FYTTD1: variants seen among roughly 807,000 people sequenced by gnomAD.
FYTTD1 encodes the protein UAP56-interacting factor.
In FYTTD1, 22 loss-of-function variants were observed where a neutral mutation model predicts 40.9. The ratio of observed to expected loss-of-function variants is 0.54; its 90% confidence interval spans 0.38 to 0.77. The LOEUF is 0.77. FYTTD1 is among the 30% of genes least tolerant of loss of function. The probability of loss-of-function intolerance (pLI) is 0.00; values close to 1 mark genes in which losing one functional copy is unlikely to be tolerated. For synonymous variants in FYTTD1, 140 were observed against 137.9 expected (o/e 1.01, Z -0.10); for missense variants, 351 against 392.2 (o/e 0.90, Z 0.89).
Position 197,785,954 on chromosome 3 carries a change from A to G in FYTTD1, c.*4045A>G, listed in dbSNP as rs1337698160. ...ACTAGCTTCTTTTTTTTTTTTTTAA[A>G]TGATACTTCAGTAAACACAGCATTT... On this transcript the variant is annotated 3_prime_UTR_variant, in exon 9 of 9. Coordinates refer to ENST00000241502, the MANE Select transcript of FYTTD1 (RefSeq NM_032288.7). 6.6e-6 allele frequency: 1 copy of G among 150,716 alleles called. No individual in the cohort carries two copies. The highest frequency in any genetic ancestry group is 1.5e-5 in the Non-Finnish European group (1 of 67,796). 9.3% of individuals were successfully genotyped at this position (150,716 alleles called of 1,614,324 possible). A position where few individuals can be genotyped will look rare whatever the true frequency, so the allele number is the denominator to read the frequency against.
chr3:197,749,933 G>T lies in FYTTD1; in HGVS notation c.-39G>T. On this transcript the variant is annotated 5_prime_UTR_variant, in exon 1 of 9. Transcript: ENST00000241502. Reference sequence around the variant, plus strand: ...GGGAGGTGGCAGGCCTGCGACTCCGGCCTTGTCCGCGCCCGCTCTCGGCGC... The same window carrying T: ...GGGAGGTGGCAGGCCTGCGACTCCGTCCTTGTCCGCGCCCGCTCTCGGCGC... The T allele has an allele frequency of 7.0e-7, 1 of 1,424,964 alleles. No homozygotes were observed. 88.3% of individuals were successfully genotyped at this position (1,424,964 alleles called of 1,614,324 possible). A position where few individuals can be genotyped will look rare whatever the true frequency, so the allele number is the denominator to read the frequency against.
chr3:197,753,891 C>T lies in FYTTD1; in HGVS notation c.104-2535C>T, dbSNP rs567778390. On this transcript the variant is annotated intron_variant, in intron 1 of 8. Coordinates refer to ENST00000241502, the MANE Select transcript of FYTTD1 (RefSeq NM_032288.7). Reference sequence around the variant, plus strand: ...AGTAGCTGGGACTACAGGCGCCCACCGCCACACCCGGCTAATTTTTTGTAT... The same window carrying T: ...AGTAGCTGGGACTACAGGCGCCCACTGCCACACCCGGCTAATTTTTTGTAT... Among the ~76,000 whole-genome samples, 134 of 152,076 alleles carry T rather than the reference C, an allele frequency of 8.8e-4. 1 individual carries two copies. The highest frequency in any genetic ancestry group is 3.0e-3 in the African/African-American group (126 of 41,462).
At position 197,787,348 on chromosome 3, in the gene FYTTD1, C is replaced by T; in HGVS notation, c.*5439C>T. ...CAAACTCCTGACCTCAGGTGATATG[C>T]CCGCCTCTGACTCCCAAAGTGCTGG... On this transcript the variant is annotated 3_prime_UTR_variant, in exon 9 of 9. Transcript: ENST00000241502. 1 of 152,310 alleles carries T rather than the reference C, an allele frequency of 6.6e-6. No homozygotes were observed. Among genetic ancestry groups the T allele is most frequent in the Non-Finnish European group, 1.5e-5 (1 of 68,110 alleles). 9.4% of individuals were successfully genotyped at this position (152,310 alleles called of 1,614,324 possible).
At chr3:197,759,713 CTCAGTGGTAGAACGTATAGCGTGTTCT>C (rs1560493701) in intron 2 of FYTTD1, among the ~76,000 whole-genome samples, 1 of 139,954 alleles carries the variant, frequency 7.1e-6, no homozygotes, top group Non-Finnish European at 1.5e-5. Flanking sequence ...AGAGTTGTTC[CTCAGTGGTAGAACGTATAGCGTGTTCT>C]TCAGTGGTAG....
In FYTTD1 at chr3:197,768,433, C is replaced by T. The variant is rs977252284; in HGVS notation, c.236-6C>T. 1 of 1,594,456 alleles carries T rather than the reference C, an allele frequency of 6.3e-7. No individual in the cohort carries two copies. Among genetic ancestry groups the T allele is most frequent in the Non-Finnish European group, 8.6e-7 (1 of 1,168,442 alleles). ...GACATTTTCTTCTGTTTTTGCCCTCCTATAGGTTTTGGTAAGACTAGTCTG... is the reference window on the plus strand; with the variant it reads ...GACATTTTCTTCTGTTTTTGCCCTCTTATAGGTTTTGGTAAGACTAGTCTG... On this transcript the variant is annotated splice_region_variant and splice_polypyrimidine_tract_variant and intron_variant, in intron 2 of 8. Coordinates refer to ENST00000241502, the MANE Select transcript of FYTTD1 (RefSeq NM_032288.7).
chr3:197,752,984 C>T (rs911771469), intron 1 of FYTTD1, among the ~76,000 whole-genome samples: 4 of 151,982 alleles, frequency 2.6e-5, no homozygotes, highest in African/African-American at 4.8e-5. Context: ...ATGATTAGTA[C>T]GTTCAAGTGA....
chr3:197,778,084 T>A (rs2109054590), intron 7 of FYTTD1, among the ~76,000 whole-genome samples: 1 of 152,246 alleles, frequency 6.6e-6, no homozygotes, highest in East Asian at 1.9e-4. Context: ...TTGCTTTATT[T>A]TAATGGAAGA....
chr3:197,754,479 T>G (rs1729154750), intron 1 of FYTTD1, among the ~76,000 whole-genome samples: 1 of 152,166 alleles, frequency 6.6e-6, no homozygotes, highest in Admixed American at 6.5e-5. Context: ...TCAAGTTATA[T>G]TTCCTTCTCT....
At chr3:197,775,925 T>C (rs1729861526) in intron 6 of FYTTD1, among the ~76,000 whole-genome samples, 1 of 152,210 alleles carries the variant, frequency 6.6e-6, no homozygotes, top group African/African-American at 2.4e-5. Flanking sequence ...AACAATATAA[T>C]GTAAATGTCC....
At chr3:197,753,268 A>C (rs1282662423) in intron 1 of FYTTD1, among the ~76,000 whole-genome samples, 1 of 152,152 alleles carries the variant, frequency 6.6e-6, no homozygotes, top group Non-Finnish European at 1.5e-5. Context: ...GGTGTATATG[A>C]ATTTCACATA....
chr3:197,782,291 A>G lies in FYTTD1; in HGVS notation c.*382A>G, dbSNP rs1370669548. 1.3e-5 allele frequency: 2 copies of G among 154,698 alleles called. No homozygotes were observed. The highest frequency in any genetic ancestry group is 6.5e-5 in the Admixed American group (1 of 15,418). 9.6% of individuals were successfully genotyped at this position (154,698 alleles called of 1,614,324 possible). On this transcript the variant is annotated 3_prime_UTR_variant, in exon 9 of 9. Coordinates refer to ENST00000241502, the MANE Select transcript of FYTTD1 (RefSeq NM_032288.7). The stretch of plus-strand genomic sequence containing the variant: ...TTTGTCATGGTAAATCCTGGTCTTC[A>G]TAAACATGAGTAGGTCCCTTGGTTG...
intron 2 of FYTTD1, among the ~76,000 whole-genome samples, chr3:197,764,402 A>T (rs1044123725): frequency 1.3e-5 from 2 of 152,202 alleles, no homozygotes; most frequent in African/African-American, 4.8e-5. Flanking sequence ...CGAATCATAT[A>T]GGCCTGATTA....
rs191600390 is a variant in FYTTD1 at position 197,778,400 on chromosome 3, G to A, written c.794G>A (p.Ser265Asn). Residue 265 changes from serine (S) to asparagine (N), a missense_variant, in exon 8 of 9, where the codon AGT (serine) becomes AAT (asparagine). Transcript: ENST00000241502. ...TCATTTTTAACAAAGCGGGAGCAAA[G>A]TGACGTCAAGAAAGTTCCTAAAGGT... ...VPSFLTKREQ[S>N]DVKKVPKGVP... 6.2e-7 allele frequency: 1 copy of A among 1,612,088 alleles called. No homozygotes were observed. The highest frequency in any genetic ancestry group is 1.3e-5 in the African/African-American group (1 of 75,020).
intron 4 of FYTTD1, among the ~76,000 whole-genome samples, chr3:197,771,347 C>A (rs943956565): frequency 1.3e-5 from 2 of 152,080 alleles, no homozygotes; most frequent in Non-Finnish European, 2.9e-5. Flanking sequence ...GCAAAAAAAA[C>A]CTGGAATGAG....
chr3:197,755,915 A>G (rs562528140), intron 1 of FYTTD1: 1 of 845,554 alleles, frequency 1.2e-6, no homozygotes, highest in South Asian at 1.5e-5. Flanking sequence ...GGAAGTAGGT[A>G]GGAAAATGGA....
intron 7 of FYTTD1, 37 bp downstream of exon 7, chr3:197,777,038 T>A: frequency 8.2e-7 from 1 of 1,214,150 alleles, no homozygotes; most frequent in South Asian, 1.3e-5. Flanking sequence ...AATTATAACC[T>A]CTCATTACAT....
chr3:197,777,118 G>A (rs1190776173), intron 7 of FYTTD1, 117 bp downstream of exon 7: 1 of 650,562 alleles, frequency 1.5e-6, no homozygotes, highest in East Asian at 2.7e-5. Flanking sequence ...CAGGAAGACA[G>A]TAATACCTGT....
At chr3:197,750,202 C>A (rs1368794613) in intron 1 of FYTTD1, 128 bp downstream of exon 1, 6 of 872,208 alleles carry the variant, frequency 6.9e-6, no homozygotes, top group African/African-American at 3.5e-5. Context: ...GTGGGCGGAC[C>A]CGAGCGGAGG....
At chr3:197,760,363 A>C (rs1027905115) in intron 2 of FYTTD1, among the ~76,000 whole-genome samples, 31 of 151,788 alleles carry the variant, frequency 2.0e-4, no homozygotes, top group African/African-American at 7.5e-4. Flanking sequence ...GAATGTATAG[A>C]GTGTTCTTCA....
Sources: allele counts gnomAD v4.1 joint callset (sites outside exome capture counted in the v4.1 genomes callset), GRCh38; gene constraint gnomAD v4.1.1; transcripts MANE v1.5; gene names NCBI Gene and HGNC (gene_info 2026-07-23, HGNC 2026-07-21).